Variants in ST13 observed in about 807,000 individuals in gnomAD.
ST13 encodes ST13 Hsp70 interacting protein.
Under a neutral mutation model 56.7 loss-of-function variants are expected in ST13, and 23 were observed. The ratio of observed to expected loss-of-function variants is 0.41; its 90% CI spans 0.29 to 0.57. The LOEUF (loss-of-function observed/expected upper bound fraction) is 0.57, where lower values mean the gene tolerates loss of function less well. ST13 is among the 20% of genes least tolerant of loss of function. The pLI is 0.36. For missense variants in ST13, 369 were observed against 459.9 expected, an observed-to-expected ratio of 0.80 and a Z score of 1.81; for synonymous variants, 132 against 142.4, an observed-to-expected ratio of 0.93 and a Z score of 0.52.
At chr22:40,841,092 C>CTATATAGATAGACCAAACACTG (rs1555885933) in intron 4 of ST13, among the ~76,000 whole-genome samples, 2 of 150,892 alleles carry the variant, frequency 1.3e-5, no homozygotes, top group Non-Finnish European at 2.9e-5. Flanking sequence ...AGCACCTATG[C>CTATATAGATAGACCAAACACTG]TATATAGATA....
chr22:40,843,129 A>C (rs2057812548), intron 4 of ST13, among the ~76,000 whole-genome samples: 1 of 152,188 alleles, frequency 6.6e-6, no homozygotes, highest in South Asian at 2.1e-4. Flanking sequence ...CAAAAAAACA[A>C]AGCACAAGAC....
intron 4 of ST13, among the ~76,000 whole-genome samples, chr22:40,843,500 T>C (rs1241789810): frequency 6.6e-6 from 1 of 152,078 alleles, no homozygotes; most frequent in Non-Finnish European, 1.5e-5. Flanking sequence ...AGACCCACAA[T>C]ATTCAGAAAC....
intron 4 of ST13, 112 bp downstream of exon 4, chr22:40,844,727 G>C (rs2057822166): frequency 1.2e-6 from 1 of 851,576 alleles, no homozygotes; most frequent in South Asian, 1.7e-5. Context: ...CCTGAAGTCA[G>C]AGAAAGATTT....
rs772192788 is a variant in ST13, at chr22:40,856,565, G to T, written c.-25C>A. The T allele has an allele frequency of 6.2e-5, 99 of 1,587,038 alleles. No homozygotes were observed. Among genetic ancestry groups the T allele is most frequent in the South Asian group, 9.9e-5 (9 of 90,498 alleles). On this transcript the variant is annotated 5_prime_UTR_variant, in exon 1 of 12. Coordinates refer to ENST00000216218, the MANE Select transcript of ST13 (RefSeq NM_003932.5). ...TGGTAGGGAGGTGGTGGGCGAAACT[G>T]GGGGGGCTACGGCCCGGTTCCAGGC...
intron 8 of ST13, 42 bp downstream of exon 8, chr22:40,832,527 A>G: frequency 7.1e-7 from 1 of 1,411,292 alleles, no homozygotes; most frequent in Non-Finnish European, 1.0e-6. Context: ...ACAGCGATGG[A>G]GTATTTAACT....
At position 40,836,461 on chromosome 22, in the gene ST13, A is replaced by G. The variant is rs933683686; in HGVS notation, c.383-574T>C. On this transcript the variant is annotated intron_variant, in intron 5 of 11. Coordinates refer to ENST00000216218, the MANE Select transcript of ST13 (RefSeq NM_003932.5). ...CCGTCTCAAAAAAATAAAAATAAAA[A>G]TAAAAGAAAAAAGTAAAAAGATAAA... Among the ~76,000 whole-genome samples the G allele has an allele frequency of 2.6e-5, 4 of 152,256 alleles. No individual in the cohort carries two copies. The East Asian group carries it at 7.7e-4, about 29-fold the overall frequency.
At chr22:40,836,023 C>T (rs894350204) in intron 5 of ST13, 136 bp from the exon 6 acceptor site, 14 of 677,682 alleles carry the variant, frequency 2.1e-5, no homozygotes, top group Non-Finnish European at 3.4e-5. Context: ...CTAAGTTATA[C>T]TAAAACTGGC....
At chr22:40,829,378 T>C (rs1427928981) in intron 10 of ST13, among the ~76,000 whole-genome samples, 1 of 152,220 alleles carries the variant, frequency 6.6e-6, no homozygotes, top group Admixed American at 6.5e-5. Context: ...TGTCCTCTGG[T>C]ATTCAAAGAT....
rs1394554100 is a variant in ST13, at chr22:40,825,473, T to A, written c.*1065A>T. 1 of 152,172 alleles carries A rather than the reference T, an allele frequency of 6.6e-6. No homozygotes were observed. Among genetic ancestry groups the A allele is most frequent in the African/African-American group, 2.4e-5 (1 of 41,434 alleles). 9.4% of individuals were successfully genotyped at this position (152,172 alleles called of 1,614,324 possible). Reference sequence around the variant, plus strand: ...CCAATGTCTTCTGATAAGGCAAGATTTTGCCAGAATGGAAGTCTAACACTT... The same window carrying A: ...CCAATGTCTTCTGATAAGGCAAGATATTGCCAGAATGGAAGTCTAACACTT... On this transcript the variant is annotated 3_prime_UTR_variant, in exon 12 of 12. Coordinates refer to ENST00000216218, the MANE Select transcript of ST13 (RefSeq NM_003932.5).
At chr22:40,837,567 AC>A (rs2057783879) in intron 5 of ST13, among the ~76,000 whole-genome samples, 1 of 151,894 alleles carries the variant, frequency 6.6e-6, no homozygotes, top group South Asian at 2.1e-4. Context: ...AATCGCTTGA[AC>A]CCGGGAGGCG....
chr22:40,839,264 C>T (rs1051124007), intron 5 of ST13, among the ~76,000 whole-genome samples: 6 of 152,150 alleles, frequency 3.9e-5, no homozygotes, highest in Non-Finnish European at 2.9e-5. Context: ...CAATACTGAA[C>T]TCATTCTAAA....
intron 2 of ST13, among the ~76,000 whole-genome samples, chr22:40,848,798 T>G (rs1373332691): frequency 3.3e-5 from 5 of 152,224 alleles, no homozygotes; most frequent in African/African-American, 1.2e-4. Context: ...ATAAACAGTT[T>G]AGAGATTATA....
intron 1 of ST13, among the ~76,000 whole-genome samples, chr22:40,855,465 A>T (rs2057885782): frequency 6.6e-6 from 1 of 152,190 alleles, no homozygotes; most frequent in Admixed American, 6.5e-5. Flanking sequence ...CACTAAACAC[A>T]TAACGTTCAC....
chr22:40,855,299 A>AT (rs1184666746), intron 1 of ST13, among the ~76,000 whole-genome samples: 1 of 152,158 alleles, frequency 6.6e-6, no homozygotes, highest in Non-Finnish European at 1.5e-5. Context: ...AAAAAATTAA[A>AT]TTAGCCAAGT....
At chr22:40,854,100 G>C (rs2057875851) in intron 1 of ST13, among the ~76,000 whole-genome samples, 1 of 152,186 alleles carries the variant, frequency 6.6e-6, no homozygotes, top group Admixed American at 6.5e-5. Flanking sequence ...CAGATGTACT[G>C]TTCTTCAACA....
At chr22:40,833,601 C>T (rs2057764042) in intron 7 of ST13, among the ~76,000 whole-genome samples, 1 of 150,064 alleles carries the variant, frequency 6.7e-6, no homozygotes. Flanking sequence ...TGTGGCTAGG[C>T]GCGATGGCTC....
At chr22:40,833,662 G>A (rs972037140) in intron 7 of ST13, among the ~76,000 whole-genome samples, 1 of 151,986 alleles carries the variant, frequency 6.6e-6, no homozygotes, top group Admixed American at 6.6e-5. Context: ...GATCACCTGA[G>A]GTCAGGAGTT....
rs1215632489 is a variant in ST13, at chr22:40,848,350, T to C, written c.188A>G (p.Lys63Arg). The C allele has an allele frequency of 1.9e-6, 3 of 1,612,672 alleles. No homozygotes were observed. The highest frequency in any genetic ancestry group is 1.7e-5 in the Admixed American group (1 of 59,996). ...TGCCTTTAAGTCTTCCTCCACCTTC[T>C]TACTATCAGGTTTTTCTTCCTAGCA... ...ENTKEEKPDS[K>R]KVEEDLKADE... is the part of the protein sequence containing the mutation. The change falls in exon 3 of 12, where the codon AAG becomes AGG. Residue 63 changes from lysine (K) to arginine (R), a missense_variant. Lys to Arg is a conservative substitution (Grantham distance 26). This residue lies in a region of ST13 where 169 missense variants were observed against 175.6 expected (regional missense o/e 0.96). Coordinates refer to ENST00000216218, the MANE Select transcript of ST13 (RefSeq NM_003932.5).
intron 10 of ST13, among the ~76,000 whole-genome samples, chr22:40,829,163 C>A (rs1325431131): frequency 6.6e-6 from 1 of 152,172 alleles, no homozygotes; most frequent in Non-Finnish European, 1.5e-5. Context: ...TAAGTTCTAA[C>A]CAGTGACATA....
Sources: gnomAD v4.1 joint callset for allele counts (sites outside exome capture counted in the v4.1 genomes callset) on GRCh38, gnomAD v4.1.1 for gene constraint, gnomAD v4.1.1 regional missense constraint, MANE v1.5 for transcripts, NCBI Gene and HGNC (gene_info 2026-07-23, HGNC 2026-07-21) for gene names.